The following NUDT19 variants were observed in gnomAD, a reference collection of about 807,000 sequenced individuals.
NUDT19 encodes the protein nudix hydrolase 19, also known as acyl-coenzyme A diphosphatase NUDT19.
A neutral mutation model predicts 22.2 loss-of-function variants in NUDT19; 31 were observed. The observed-to-expected ratio is 1.40, with a 90% CI of 1.05 to 1.89. The LOEUF (loss-of-function observed/expected upper bound fraction) is 1.89. NUDT19 is among the 40% of genes most tolerant of loss of function. NUDT19 has a pLI of 0.00. For missense variants in NUDT19, 752 were observed against 514.2 expected (o/e 1.46, Z -4.47); for synonymous variants, 325 against 230.8 (o/e 1.41, Z -3.70).
intron 1 of NUDT19, among the ~76,000 whole-genome samples, chr19:32,700,142 G>A (rs932441601): frequency 9.2e-5 from 14 of 152,242 alleles, no homozygotes; most frequent in African/African-American, 3.4e-4. Flanking sequence ...ACCCGAGCGG[G>A]TTGCTGCTGC....
At chr19:32,700,462 A>G (rs192547103) in intron 1 of NUDT19, among the ~76,000 whole-genome samples, 10 of 152,268 alleles carry the variant, frequency 6.6e-5, no homozygotes, top group Middle Eastern at 6.8e-3. Flanking sequence ...ACCTTTAGCT[A>G]GACAGAAAAG....
chr19:32,707,766 C>T (rs1253634776), intron 1 of NUDT19, among the ~76,000 whole-genome samples: 1 of 152,022 alleles, frequency 6.6e-6, no homozygotes, highest in Non-Finnish European at 1.5e-5. Context: ...ATCACAAAGT[C>T]AGGAGATCGA....
At chr19:32,699,923 T>C (rs1320755890) in intron 1 of NUDT19, among the ~76,000 whole-genome samples, 1 of 152,166 alleles carries the variant, frequency 6.6e-6, no homozygotes, top group Non-Finnish European at 1.5e-5. Context: ...CCACAGACCT[T>C]TGCAGTGAGT....
intron 1 of NUDT19, among the ~76,000 whole-genome samples, chr19:32,694,303 T>G (rs895361864): frequency 1.3e-5 from 2 of 152,126 alleles, no homozygotes; most frequent in African/African-American, 4.8e-5. Flanking sequence ...GACTTGTTAG[T>G]GTAAAAACAA....
chr19:32,709,855 A>T (rs981613029), intron 2 of NUDT19, among the ~76,000 whole-genome samples: 15 of 151,682 alleles, frequency 9.9e-5, no homozygotes, highest in African/African-American at 3.4e-4. Context: ...GGGTTTCACC[A>T]TCTTGGCCAG....
Position 32,692,531 on chromosome 19 carries a change from ATC to A in NUDT19, c.573_574del (p.Ile191MetfsTer22). 1 of 1,587,392 alleles carries A rather than the reference ATC, an allele frequency of 6.3e-7. No homozygotes were observed. The highest frequency in any genetic ancestry group is 8.5e-7 in the Non-Finnish European group (1 of 1,169,696). On this transcript the variant is annotated frameshift_variant, in exon 1 of 3. Coordinates refer to ENST00000397061, the MANE Select transcript of NUDT19 (RefSeq NM_001105570.2). LOFTEE classifies it high-confidence loss of function. ...CGCCCACCTCGACTGCACACCCGAC[ATC>A]TGGGCGCTGCACAACTGGAGCGCCT... Reference protein sequence around the residue: ...LCAHLDCTPDIWALHNWSAWL... With the variant: ...LCAHLDCTPDXWALHNWSAWL...
Position 32,709,287 on chromosome 19 carries a change from C to G in NUDT19, c.817C>G (p.Leu273Val). 3 of 1,614,174 alleles carry G rather than the reference C, an allele frequency of 1.9e-6. No individual in the cohort carries two copies. Among genetic ancestry groups the G allele is most frequent in the South Asian group, 1.1e-5 (1 of 91,088 alleles). The part of the protein sequence containing the change: ...EVRRLANFAS[L>V]SDLHKFCLGR... ...GAGAAGACTTGCAAACTTTGCCTCT[C>G]TCTCTGACTTGCACAAATTTTGTTT... Residue 273 changes from leucine (L) to valine (V), a missense_variant, in exon 2 of 3, where the codon CTC becomes GTC. Coordinates refer to ENST00000397061, the MANE Select transcript of NUDT19 (RefSeq NM_001105570.2).
intron 1 of NUDT19, among the ~76,000 whole-genome samples, chr19:32,700,069 G>C (rs996929057): frequency 2.0e-5 from 3 of 152,252 alleles, no homozygotes; most frequent in African/African-American, 7.2e-5. Context: ...AACCCAAAGA[G>C]TGAGCAGCAG....
intron 1 of NUDT19, among the ~76,000 whole-genome samples, chr19:32,707,828 A>C (rs1248388031): frequency 6.6e-6 from 1 of 151,750 alleles, no homozygotes; most frequent in Admixed American, 6.6e-5. Flanking sequence ...AATACAAAAA[A>C]TTAGCCGGGC....
Position 32,692,057 on chromosome 19 carries a change from C to A in NUDT19, c.97C>A (p.Pro33Thr). ...GWSRPETATP[P>T]SRPPPAEGFR... ...GTCGCGCCCGGAGACCGCCACCCCG[C>A]CGTCGCGCCCGCCGCCGGCCGAGGG... Residue 33 changes from proline to threonine, a missense_variant, in exon 1 of 3, where the codon CCG becomes ACG. Pro to Thr is a conservative substitution (Grantham distance 38). Transcript: ENST00000397061. The A allele has an allele frequency of 7.7e-7, 1 of 1,291,660 alleles. No homozygotes were observed. The highest frequency in any genetic ancestry group is 9.8e-7 in the Non-Finnish European group (1 of 1,024,320). 80.0% of individuals were successfully genotyped at this position (1,291,660 alleles called of 1,614,324 possible).
At position 32,692,651 on chromosome 19, in the gene NUDT19, T is replaced by C. The variant is rs1968211002; in HGVS notation, c.691T>C (p.Leu231=). ...CGAGCCGCCGCCCGTCTACCCCGAC[T>C]TGGCGGAGGTGGTGGGCTACCAGGT... ...LREPPPVYPD[L]AEVVGYQWSS... Residue 231 remains leucine, a synonymous_variant, in exon 1 of 3, where the codon TTG becomes CTG. Transcript: ENST00000397061. The C allele has an allele frequency of 1.3e-6, 2 of 1,516,574 alleles. No individual in the cohort carries two copies. The highest frequency in any genetic ancestry group is 8.8e-7 in the Non-Finnish European group (1 of 1,138,078). The allele number at this position is 1,516,574 out of a possible 1,614,324, so 93.9% of individuals were successfully genotyped here.
intron 1 of NUDT19, among the ~76,000 whole-genome samples, chr19:32,705,106 CAAAA>C (rs34871387): frequency 1.8e-5 from 1 of 54,216 alleles, no homozygotes; most frequent in Non-Finnish European, 3.5e-5. Flanking sequence ...GACTTCATCT[CAAAA>C]AAAAAAAAAA....
At chr19:32,701,281 C>G (rs1333541511) in intron 1 of NUDT19, among the ~76,000 whole-genome samples, 1 of 141,242 alleles carries the variant, frequency 7.1e-6, no homozygotes, top group East Asian at 2.3e-4. Context: ...TCTTGGCTCA[C>G]TGAAACCTCT....
chr19:32,711,474 A>T (rs1024159502), intron 2 of NUDT19, among the ~76,000 whole-genome samples: 7 of 152,116 alleles, frequency 4.6e-5, no homozygotes, highest in African/African-American at 1.7e-4. Context: ...AAAAACAGAT[A>T]AAAAAACACA....
chr19:32,709,230 A>C lies in NUDT19; in HGVS notation c.760A>C (p.Ile254Leu), dbSNP rs1340744615. ...AACTGAAAGTTTCTTATCAAAAGAA[A>C]TTTGGTTGCCACCCCCACAGTTCTA... is the stretch of plus-strand genomic sequence containing the variant. ...EATESFLSKE[I>L]WLPPPQFYEV... Residue 254 changes from isoleucine (I) to leucine (L), a missense_variant, in exon 2 of 3, where the codon ATT becomes CTT. Coordinates refer to ENST00000397061, the MANE Select transcript of NUDT19 (RefSeq NM_001105570.2). 1.9e-6 allele frequency: 3 copies of C among 1,613,990 alleles called. No homozygotes were observed. In the East Asian group the frequency reaches 6.7e-5, roughly 36 times the overall value.
chr19:32,704,816 T>C (rs1335953326), intron 1 of NUDT19, among the ~76,000 whole-genome samples: 2 of 152,024 alleles, frequency 1.3e-5, no homozygotes, highest in Non-Finnish European at 2.9e-5. Flanking sequence ...TAAAGAGTAT[T>C]GGACTTTGGG....
At position 32,711,851 on chromosome 19, in the gene NUDT19, G is replaced by A. The variant is rs746589893; in HGVS notation, c.1022G>A (p.Arg341Gln). The A allele has an allele frequency of 1.1e-4, 171 of 1,613,360 alleles. No homozygotes were observed. The highest frequency in any genetic ancestry group is 1.6e-4 in the Middle Eastern group (1 of 6,062). The change falls in exon 3 of 3, where the codon CGG becomes CAG. Residue 341 changes from arginine (R) to glutamine (Q), a missense_variant. Physicochemically the swap from Arg to Gln is conservative, Grantham distance 43. Transcript: ENST00000397061. ...ATGAAGGAAGGCAAGCAGTTTCACC[G>A]GATAGTGACATACCATCGCCACCTT... ...EIMKEGKQFH[R>Q]IVTYHRHLYD...
At chr19:32,701,734 A>G (rs929667166) in intron 1 of NUDT19, among the ~76,000 whole-genome samples, 2 of 152,178 alleles carry the variant, frequency 1.3e-5, no homozygotes, top group Non-Finnish European at 2.9e-5. Flanking sequence ...ATTCCTGGTT[A>G]TAATCTTTAT....
chr19:32,707,592 C>T (rs528618033), intron 1 of NUDT19, among the ~76,000 whole-genome samples: 1 of 152,272 alleles, frequency 6.6e-6, no homozygotes, highest in Admixed American at 6.5e-5. Context: ...CACCTGTAAT[C>T]CCAGCACTTT....
Sources: gnomAD v4.1 joint callset for allele counts (sites outside exome capture counted in the v4.1 genomes callset) on GRCh38, gnomAD v4.1.1 for gene constraint, MANE v1.5 for transcripts, NCBI Gene and HGNC (gene_info 2026-07-23, HGNC 2026-07-21) for gene names.